Variants in RABGAP1L observed in about 807,000 individuals in gnomAD.
RABGAP1L encodes rab GTPase-activating protein 1-like.
A neutral mutation model predicts 137.7 loss-of-function variants in RABGAP1L; 63 were observed. The observed-to-expected ratio is 0.46, with a 90% CI of 0.37 to 0.56. The LOEUF (loss-of-function observed/expected upper bound fraction) is 0.56, where lower values mean the gene tolerates loss of function less well. Among genes scored for constraint, RABGAP1L ranks in the 20% least tolerant of loss-of-function variants. RABGAP1L has a pLI of 0.00. For synonymous variants in RABGAP1L, 431 were observed against 433.7 expected (o/e 0.99, Z 0.08); for missense variants, 1,095 against 1,244.0 (o/e 0.88, Z 1.80).
At chr1:174,968,981 C>A (rs894973458) in intron 20 of RABGAP1L, among the ~76,000 whole-genome samples, 14 of 152,162 alleles carry the variant, frequency 9.2e-5, no homozygotes, top group African/African-American at 3.4e-4. Context: ...GTAAAAACCT[C>A]ACAGGATTGG....
intron 5 of RABGAP1L, among the ~76,000 whole-genome samples, chr1:174,248,785 T>C (rs1188149450): frequency 6.6e-6 from 1 of 152,226 alleles, no homozygotes; most frequent in Non-Finnish European, 1.5e-5. Flanking sequence ...GTTACAAATA[T>C]TGTATTCCTA....
At chr1:174,825,712 A>T (rs540260574) in intron 19 of RABGAP1L, among the ~76,000 whole-genome samples, 1 of 152,186 alleles carries the variant, frequency 6.6e-6, no homozygotes, top group Non-Finnish European at 1.5e-5. Context: ...GCAAAACCCC[A>T]TCTCTACTAA....
chr1:174,177,342 G>T (rs1178462867), intron 1 of RABGAP1L, among the ~76,000 whole-genome samples: 2 of 152,034 alleles, frequency 1.3e-5, no homozygotes, highest in African/African-American at 4.8e-5. Flanking sequence ...TTTTTTTCTT[G>T]TAAATTTGTT....
intron 11 of RABGAP1L, 41 bp from the exon 12 acceptor site, chr1:174,370,938 A>T (rs1212176809): frequency 9.2e-7 from 1 of 1,086,498 alleles, no homozygotes; most frequent in East Asian, 2.5e-5. Flanking sequence ...CTACTGTAAT[A>T]TATAAAATAA....
At chr1:174,629,199 CAT>C (rs1673137928) in intron 13 of RABGAP1L, among the ~76,000 whole-genome samples, 1 of 152,186 alleles carries the variant, frequency 6.6e-6, no homozygotes, top group African/African-American at 2.4e-5. Context: ...ATTCCTGAAA[CAT>C]AAACTCTTTC....
intron 11 of RABGAP1L, among the ~76,000 whole-genome samples, chr1:174,319,468 G>C (rs904004014): frequency 2.0e-5 from 3 of 152,074 alleles, no homozygotes; most frequent in African/African-American, 7.2e-5. Context: ...TTCTGCATAT[G>C]TCATTATGTC....
At chr1:174,701,291 C>G in intron 16 of RABGAP1L, 1 of 1,103,326 alleles carries the variant, frequency 9.1e-7, no homozygotes, top group Non-Finnish European at 1.1e-6. Context: ...TGCATAATTT[C>G]TTTGCTTTGC....
chr1:174,832,634 C>T lies in RABGAP1L; in HGVS notation c.2340+20674C>T, dbSNP rs1573406477. ...GGCTCCCTCCAGCAGCCCCTTCTCCCATGACCTCTATGTCAGTTACATCCA... is the reference window on the plus strand; with the variant it reads ...GGCTCCCTCCAGCAGCCCCTTCTCCTATGACCTCTATGTCAGTTACATCCA... On this transcript the variant is annotated intron_variant, in intron 19 of 25. Transcript: ENST00000681986. 1.6e-5 allele frequency among the ~76,000 whole-genome samples: 2 copies of T among 121,966 alleles called. 1 individual carries two copies. The highest frequency in any genetic ancestry group is 6.2e-4 in the East Asian group (2 of 3,226). 80.0% of individuals were successfully genotyped at this position (121,966 alleles called of 152,430 possible). A position where few individuals can be genotyped will look rare whatever the true frequency, so the allele number is the denominator to read the frequency against.
intron 13 of RABGAP1L, among the ~76,000 whole-genome samples, chr1:174,575,784 G>A (rs1209982662): frequency 2.6e-5 from 4 of 152,112 alleles, no homozygotes; most frequent in Admixed American, 2.0e-4. Context: ...TCGGCAGGTC[G>A]ATAAATAATA....
chr1:174,425,806 A>AC (rs1466072404), intron 13 of RABGAP1L, among the ~76,000 whole-genome samples: 2 of 152,066 alleles, frequency 1.3e-5, no homozygotes, highest in African/African-American at 4.8e-5. Flanking sequence ...ATTTACAGAT[A>AC]TAAAGACATT....
intron 1 of RABGAP1L, among the ~76,000 whole-genome samples, chr1:174,170,228 G>A (rs915322001): frequency 2.5e-4 from 38 of 152,146 alleles, no homozygotes; most frequent in African/African-American, 8.2e-4. Context: ...CATTAACCAT[G>A]AGCTAATATT....
At chr1:174,522,402 C>T (rs1394797647) in intron 13 of RABGAP1L, among the ~76,000 whole-genome samples, 1 of 151,936 alleles carries the variant, frequency 6.6e-6, no homozygotes, top group Non-Finnish European at 1.5e-5. Flanking sequence ...TATGGCGAAA[C>T]CCCATCTCTA....
chr1:174,415,970 A>G (rs1397218894), intron 13 of RABGAP1L, among the ~76,000 whole-genome samples: 1 of 150,544 alleles, frequency 6.6e-6, no homozygotes, highest in Non-Finnish European at 1.5e-5. Context: ...TGCATAAACT[A>G]TACCAGAACC....
chr1:174,961,553 A>C (rs968091717), intron 20 of RABGAP1L, among the ~76,000 whole-genome samples: 2 of 152,178 alleles, frequency 1.3e-5, no homozygotes, highest in African/African-American at 4.8e-5. Flanking sequence ...GCTTAAAAAC[A>C]CAGCTAATTG....
intron 18 of RABGAP1L, chr1:174,800,206 A>G (rs1355746789): frequency 2.1e-6 from 3 of 1,398,910 alleles, no homozygotes; most frequent in African/African-American, 1.5e-5. Flanking sequence ...TTAGCTGACA[A>G]TTCCCACCAC....
chr1:174,880,707 A>G (rs1341170315), intron 19 of RABGAP1L, among the ~76,000 whole-genome samples: 1 of 151,816 alleles, frequency 6.6e-6, no homozygotes, highest in East Asian at 1.9e-4. Context: ...TTCCCACCTC[A>G]GCCTCTCCTG....
chr1:174,530,586 T>A (rs112874250), intron 13 of RABGAP1L, among the ~76,000 whole-genome samples: 1 of 152,164 alleles, frequency 6.6e-6, no homozygotes, highest in Non-Finnish European at 1.5e-5. Flanking sequence ...TTTCCCCACA[T>A]TGGGGAGTAG....
intron 13 of RABGAP1L, among the ~76,000 whole-genome samples, chr1:174,565,717 T>G (rs1446883127): frequency 1.3e-5 from 2 of 152,196 alleles, no homozygotes; most frequent in Non-Finnish European, 2.9e-5. Flanking sequence ...ACCAGCATTT[T>G]AAATAAATGC....
At chr1:174,179,170 C>G (rs1666142240) in intron 1 of RABGAP1L, among the ~76,000 whole-genome samples, 1 of 151,948 alleles carries the variant, frequency 6.6e-6, no homozygotes, top group Non-Finnish European at 1.5e-5. Context: ...TTAGCCTAAG[C>G]TGATTTTTTT....
Sources: gnomAD v4.1 joint callset for allele counts (sites outside exome capture counted in the v4.1 genomes callset) on GRCh38, gnomAD v4.1.1 for gene constraint, MANE v1.5 for transcripts, NCBI Gene and HGNC (gene_info 2026-07-23, HGNC 2026-07-21) for gene names.